Variants in ARID3B observed in about 807,000 individuals in gnomAD.
ARID3B encodes the protein AT-rich interaction domain 3B.
A neutral mutation model predicts 51.9 loss-of-function variants in ARID3B; 10 were observed. The ratio of observed to expected loss-of-function variants is 0.19; its 90% confidence interval spans 0.12 to 0.33. ARID3B has a LOEUF of 0.33. ARID3B is among the 10% of genes least tolerant of loss of function. The probability of loss-of-function intolerance (pLI) is 1.00; values close to 1 mark genes in which losing one functional copy is unlikely to be tolerated. For synonymous variants in ARID3B, 205 were observed against 279.5 expected (o/e 0.73, Z 2.66); for missense variants, 483 against 716.3 (o/e 0.67, Z 3.72).
In ARID3B at chr15:74,597,872, C is replaced by G; in HGVS notation, c.*2098C>G. 1 of 527,238 alleles carries G rather than the reference C, an allele frequency of 1.9e-6. No homozygotes were observed. Among genetic ancestry groups the G allele is most frequent in the Non-Finnish European group, 3.7e-6 (1 of 271,814 alleles). 32.7% of individuals were successfully genotyped at this position (527,238 alleles called of 1,614,324 possible). On this transcript the variant is annotated 3_prime_UTR_variant, in exon 9 of 9. Transcript: ENST00000346246. ...CCCAGAGCCCGATGAGGGGTGCCAG[C>G]AGGTGCCCCCACGAGTGGGGCCTTG...
At chr15:74,560,030 C>CAAAAAAAAAAAAAAAAAAAAAAA (rs1567118607) in intron 2 of ARID3B, among the ~76,000 whole-genome samples, 1 of 198 alleles carries the variant, frequency 5.1e-3, no homozygotes, top group Non-Finnish European at 0.016. Flanking sequence ...CCTGTCTCTA[C>CAAAAAAAAAAAAAAAAAAAAAAA]TAAAAAAAAA....
chr15:74,588,297 GC>G (rs975590243), intron 4 of ARID3B, among the ~76,000 whole-genome samples: 13 of 151,618 alleles, frequency 8.6e-5, no homozygotes, highest in Admixed American at 6.6e-5. Context: ...ACATATCCAT[GC>G]CCACAGTGCT....
At chr15:74,579,191 G>C (rs1310313680) in intron 4 of ARID3B, among the ~76,000 whole-genome samples, 1 of 152,236 alleles carries the variant, frequency 6.6e-6, no homozygotes, top group African/African-American at 2.4e-5. Context: ...TTGTTAACAT[G>C]TTTGGGTGAA....
At chr15:74,545,506 T>C (rs781257258) in intron 2 of ARID3B, among the ~76,000 whole-genome samples, 5 of 152,234 alleles carry the variant, frequency 3.3e-5, no homozygotes, top group Non-Finnish European at 5.9e-5. Flanking sequence ...CAACCAAGCC[T>C]CTTCTCTTTG....
At chr15:74,568,764 G>T (rs1482796749) in intron 2 of ARID3B, among the ~76,000 whole-genome samples, 1 of 152,094 alleles carries the variant, frequency 6.6e-6, no homozygotes, top group Non-Finnish European at 1.5e-5. Context: ...TCTCAAGTAG[G>T]AGAGGCTGAG....
intron 2 of ARID3B, among the ~76,000 whole-genome samples, chr15:74,565,722 G>A (rs919324352): frequency 2.0e-5 from 3 of 150,926 alleles, no homozygotes; most frequent in Non-Finnish European, 4.4e-5. Flanking sequence ...GCATGGTCTC[G>A]TTGTTTTTTT....
intron 2 of ARID3B, among the ~76,000 whole-genome samples, chr15:74,548,074 A>G (rs1354595868): frequency 6.6e-6 from 1 of 152,250 alleles, no homozygotes; most frequent in East Asian, 1.9e-4. Context: ...GGGAAGATGG[A>G]TAACGCCATT....
chr15:74,573,521 C>T lies in ARID3B; in HGVS notation c.697+317C>T, dbSNP rs911064806. 3 of 362,758 alleles carry T rather than the reference C, an allele frequency of 8.3e-6. No homozygotes were observed. The Admixed American group carries it at 1.3e-4, about 16-fold the overall frequency. The allele number at this position is 362,758 out of a possible 1,614,324, so 22.5% of individuals were successfully genotyped here. ...TTTTAAGCCTTAAAGCTACCCTGGACTTCACTTAATCTAGCATGTGGGCCT... is the reference window on the plus strand; with the variant it reads ...TTTTAAGCCTTAAAGCTACCCTGGATTTCACTTAATCTAGCATGTGGGCCT... On this transcript the variant is annotated intron_variant, in intron 4 of 8. Coordinates refer to ENST00000346246, the MANE Select transcript of ARID3B (RefSeq NM_006465.4).
At chr15:74,553,925 G>T (rs1396303190) in intron 2 of ARID3B, among the ~76,000 whole-genome samples, 1 of 152,104 alleles carries the variant, frequency 6.6e-6, no homozygotes, top group African/African-American at 2.4e-5. Context: ...CCGGGTTCAA[G>T]AGATTCTCCT....
chr15:74,544,619 G>A, intron 2 of ARID3B, 131 bp downstream of exon 2: 1 of 776,508 alleles, frequency 1.3e-6, no homozygotes, highest in Non-Finnish European at 2.0e-6. Context: ...GCCTAGACAT[G>A]AATAGACTTT....
intron 2 of ARID3B, among the ~76,000 whole-genome samples, chr15:74,560,025 C>A (rs1375498494): frequency 0.011 from 2 of 178 alleles, no homozygotes; most frequent in African/African-American, 0.038. Flanking sequence ...GAAACCCTGT[C>A]TCTACTAAAA....
At position 74,582,395 on chromosome 15, in the gene ARID3B, C is replaced by T. The variant is rs558106676; in HGVS notation, c.698-7425C>T. On this transcript the variant is annotated intron_variant, in intron 4 of 8. Transcript: ENST00000346246. ...GCTGGACAGGCTGGTCTCAAACTCC[C>T]GACCTCAGGTGATCTGCCCACCTTG... Among the ~76,000 whole-genome samples, 22 of 152,156 alleles carry T rather than the reference C, an allele frequency of 1.4e-4. No homozygotes were observed. The East Asian group carries it at 3.3e-3, about 23-fold the overall frequency.
At position 74,550,429 on chromosome 15, in the gene ARID3B, A is replaced by G. The variant is rs1204107029; in HGVS notation, c.552+5941A>G. ...TACTTCCCGCCAGGCGCAGTGGCTCACACCTGTAATCCCAGCACTTTGGGA... is the reference window on the plus strand; with the variant it reads ...TACTTCCCGCCAGGCGCAGTGGCTCGCACCTGTAATCCCAGCACTTTGGGA... On this transcript the variant is annotated intron_variant, in intron 2 of 8. Coordinates refer to ENST00000346246, the MANE Select transcript of ARID3B (RefSeq NM_006465.4). Among the ~76,000 whole-genome samples, 3 of 152,094 alleles carry G rather than the reference A, an allele frequency of 2.0e-5. No homozygotes were observed. The East Asian group carries it at 5.8e-4, about 29-fold the overall frequency.
chr15:74,541,286 C>G lies in ARID3B; in HGVS notation c.-122C>G, dbSNP rs927833300. 8 of 152,232 alleles carry G rather than the reference C, an allele frequency of 5.3e-5. No individual in the cohort carries two copies. The highest frequency in any genetic ancestry group is 2.1e-4 in the South Asian group (1 of 4,840). 9.4% of individuals were successfully genotyped at this position (152,232 alleles called of 1,614,324 possible). ...CGCAGCTGCCGCGCCGGGGCCTGAG[C>G]TGCCGCCTCCTCCGCCGCCCGAAAA... On this transcript the variant is annotated 5_prime_UTR_variant, in exon 1 of 9. Coordinates refer to ENST00000346246, the MANE Select transcript of ARID3B (RefSeq NM_006465.4).
At chr15:74,548,238 C>T (rs959722791) in intron 2 of ARID3B, among the ~76,000 whole-genome samples, 11 of 152,128 alleles carry the variant, frequency 7.2e-5, no homozygotes, top group African/African-American at 2.7e-4. Context: ...GGTGTTCTCC[C>T]CCTCTGGTAG....
chr15:74,597,671 G>T lies in ARID3B; in HGVS notation c.*1897G>T. The stretch of plus-strand genomic sequence containing the variant: ...TGAAGGTGTCTCAGACATTTGGCCA[G>T]TATGTCTTTCTCAGGGGTTTGGTCA... On this transcript the variant is annotated 3_prime_UTR_variant, in exon 9 of 9. Transcript: ENST00000346246. 1 of 523,840 alleles carries T rather than the reference G, an allele frequency of 1.9e-6. No individual in the cohort carries two copies. The highest frequency in any genetic ancestry group is 2.4e-5 in the Admixed American group (1 of 42,206). 32.4% of individuals were successfully genotyped at this position (523,840 alleles called of 1,614,324 possible). A position where few individuals can be genotyped will look rare whatever the true frequency, so the allele number is the denominator to read the frequency against.
rs975080800 is a variant in ARID3B at position 74,544,324 on chromosome 15, C to G, written c.388C>G (p.Gln130Glu). The G allele has an allele frequency of 1.5e-5, 24 of 1,611,920 alleles. No individual in the cohort carries two copies. Among genetic ancestry groups the G allele is most frequent in the Non-Finnish European group, 2.0e-5 (23 of 1,178,888 alleles). Residue 130 changes from glutamine to glutamate, a missense_variant, in exon 2 of 9, where the codon CAA becomes GAA. This residue lies in a region of ARID3B where 182 missense variants were observed against 244.5 expected (regional missense o/e 0.74). Coordinates refer to ENST00000346246, the MANE Select transcript of ARID3B (RefSeq NM_006465.4). ...TTTTCATGTGCAGAAAGTAGCTCGC[C>G]AAGATCCCAGAGTGGCACCCATGTC... Reference protein sequence around the residue: ...KYFHVQKVARQDPRVAPMSNL... With the variant: ...KYFHVQKVAREDPRVAPMSNL...
intron 2 of ARID3B, among the ~76,000 whole-genome samples, chr15:74,572,460 G>A (rs2061722463): frequency 6.6e-6 from 1 of 152,222 alleles, no homozygotes; most frequent in Non-Finnish European, 1.5e-5. Flanking sequence ...AACCAGGCAA[G>A]GTGTCTTCCC....
Position 74,545,707 on chromosome 15 carries a change from G to A in ARID3B, c.552+1219G>A, listed in dbSNP as rs190049688. ...CTGTGGGTTTTCACAGGGCAACTGAGAAGTCATATAAGAAAGGTCCTTTGG... is the reference window on the plus strand; with the variant it reads ...CTGTGGGTTTTCACAGGGCAACTGAAAAGTCATATAAGAAAGGTCCTTTGG... On this transcript the variant is annotated intron_variant, in intron 2 of 8. Coordinates refer to ENST00000346246, the MANE Select transcript of ARID3B (RefSeq NM_006465.4). 1.2e-4 allele frequency among the ~76,000 whole-genome samples: 18 copies of A among 152,290 alleles called. No individual in the cohort carries two copies. The East Asian group carries it at 3.5e-3, about 29-fold the overall frequency.
Sources: allele counts gnomAD v4.1 joint callset (sites outside exome capture counted in the v4.1 genomes callset), GRCh38; gene constraint gnomAD v4.1.1; regional missense constraint gnomAD v4.1.1; transcripts MANE v1.5; gene names NCBI Gene and HGNC (gene_info 2026-07-23, HGNC 2026-07-21).